ADAMTS3: variants seen among roughly 807,000 people sequenced by gnomAD.
ADAMTS3 encodes the protein ADAM metallopeptidase with thrombospondin type 1 motif 3.
In ADAMTS3, 73 loss-of-function variants were observed where a neutral mutation model predicts 129.0. The ratio of observed to expected loss-of-function variants is 0.57; its 90% CI spans 0.47 to 0.69. The LOEUF (loss-of-function observed/expected upper bound fraction) is 0.69, where lower values mean the gene tolerates loss of function less well. ADAMTS3 is among the 30% of genes least tolerant of loss of function. The pLI is 0.00. For missense variants in ADAMTS3, 1,457 were observed against 1,514.5 expected (o/e 0.96, Z 0.63); for synonymous variants, 477 against 510.8 (o/e 0.93, Z 0.89).
At chr4:72,445,178 G>A (rs1339620825) in intron 3 of ADAMTS3, among the ~76,000 whole-genome samples, 1 of 151,678 alleles carries the variant, frequency 6.6e-6, no homozygotes, top group South Asian at 2.1e-4. Context: ...TTTTAAATAG[G>A]TGAATTGTAT....
At chr4:72,352,923 T>C (rs969833364) in intron 4 of ADAMTS3, among the ~76,000 whole-genome samples, 1 of 151,950 alleles carries the variant, frequency 6.6e-6, no homozygotes, top group Non-Finnish European at 1.5e-5. Context: ...TGAAGCAAGA[T>C]CATGAAGAAT....
Position 72,455,932 on chromosome 4 carries a change from A to ACGTATAG in ADAMTS3, c.505-40962_505-40961insCTATACG, listed in dbSNP as rs1275921522. Reference sequence around the variant, plus strand: ...ACTGTATATATACTATATATATTTTATATATAGTATATATACAGTATATAT... The same window carrying ACGTATAG: ...ACTGTATATATACTATATATATTTTACGTATAGTATATAGTATATATACAGTATATAT... On this transcript the variant is annotated intron_variant, in intron 3 of 21. Transcript: ENST00000286657. Among the ~76,000 whole-genome samples, 28 of 109,238 alleles carry ACGTATAG rather than the reference A, an allele frequency of 2.6e-4. 1 individual carries two copies. The highest frequency in any genetic ancestry group is 1.4e-4 in the Non-Finnish European group (8 of 57,026). The allele number at this position is 109,238 out of a possible 152,430, so 71.7% of individuals were successfully genotyped here. A position where few individuals can be genotyped will look rare whatever the true frequency, so the allele number is the denominator to read the frequency against.
intron 3 of ADAMTS3, among the ~76,000 whole-genome samples, chr4:72,418,294 C>T (rs1560508541): frequency 6.6e-6 from 1 of 152,072 alleles, no homozygotes; most frequent in South Asian, 2.1e-4. Context: ...ACATGATCTA[C>T]ATATTCACAT....
At chr4:72,311,916 T>C (rs190182076) in intron 13 of ADAMTS3, among the ~76,000 whole-genome samples, 1 of 152,278 alleles carries the variant, frequency 6.6e-6, no homozygotes, top group African/African-American at 2.4e-5. Flanking sequence ...CTCTTGGTCC[T>C]GACTCAATTT....
At chr4:72,328,036 T>C (rs1490240578) in intron 5 of ADAMTS3, among the ~76,000 whole-genome samples, 1 of 152,138 alleles carries the variant, frequency 6.6e-6, no homozygotes, top group Non-Finnish European at 1.5e-5. Flanking sequence ...GCAGTAAGCA[T>C]AAACATTCTA....
chr4:72,349,927 G>A (rs370711743), intron 4 of ADAMTS3, among the ~76,000 whole-genome samples: 49 of 151,856 alleles, frequency 3.2e-4, no homozygotes, highest in African/African-American at 8.9e-4. Context: ...TTTGATTCAC[G>A]TTCTGATTGG....
intron 3 of ADAMTS3, among the ~76,000 whole-genome samples, chr4:72,501,677 T>A (rs978408153): frequency 1.3e-5 from 2 of 152,164 alleles, no homozygotes; most frequent in Admixed American, 1.3e-4. Flanking sequence ...AGAGTTAGCT[T>A]CCTGTTCCTG....
chr4:72,475,677 T>C (rs1719209584), intron 3 of ADAMTS3, among the ~76,000 whole-genome samples: 3 of 151,872 alleles, frequency 2.0e-5, no homozygotes, highest in African/African-American at 4.8e-5. Flanking sequence ...TTATAAAATA[T>C]TCTACTGAAG....
intron 2 of ADAMTS3, among the ~76,000 whole-genome samples, chr4:72,556,339 A>C (rs1317496815): frequency 1.3e-5 from 2 of 151,902 alleles, no homozygotes; most frequent in East Asian, 1.9e-4. Flanking sequence ...TTTCCTTCTA[A>C]GTATGTAGCA....
intron 3 of ADAMTS3, among the ~76,000 whole-genome samples, chr4:72,529,978 A>ATATATAATATATTATATTTAT (rs372655516): frequency 5.9e-4 from 4 of 6,724 alleles, no homozygotes; most frequent in African/African-American, 7.2e-4. Context: ...TTTATATATA[A>ATATATAATATATTATATTTAT]ATATAATATA....
chr4:72,485,579 G>A (rs1219872972), intron 3 of ADAMTS3, among the ~76,000 whole-genome samples: 1 of 151,902 alleles, frequency 6.6e-6, no homozygotes, highest in East Asian at 1.9e-4. Flanking sequence ...ATTTCTACCA[G>A]TACTCTTGTT....
intron 6 of ADAMTS3, among the ~76,000 whole-genome samples, chr4:72,321,422 A>T (rs1443617236): frequency 6.6e-6 from 1 of 151,808 alleles, no homozygotes; most frequent in Admixed American, 6.6e-5. Context: ...ACCTCAAATG[A>T]TCTTCCTGCC....
intron 4 of ADAMTS3, among the ~76,000 whole-genome samples, chr4:72,414,426 A>C (rs1722254992): frequency 6.6e-6 from 1 of 151,998 alleles, no homozygotes; most frequent in African/African-American, 2.4e-5. Flanking sequence ...GTCTTAAAAC[A>C]AAAAGCAACT....
chr4:72,498,588 A>G (rs756125438), intron 3 of ADAMTS3, among the ~76,000 whole-genome samples: 5 of 152,068 alleles, frequency 3.3e-5, no homozygotes, highest in Non-Finnish European at 7.4e-5. Context: ...GAAAAACAGA[A>G]CATTCTACCT....
In ADAMTS3 at chr4:72,457,036, G is replaced by GT. The variant is rs150237896; in HGVS notation, c.505-42066dup. Among the ~76,000 whole-genome samples, 52 of 151,750 alleles carry GT rather than the reference G, an allele frequency of 3.4e-4. No individual in the cohort carries two copies. The East Asian group carries it at 1.0e-2, about 29-fold the overall frequency. On this transcript the variant is annotated intron_variant, in intron 3 of 21. Coordinates refer to ENST00000286657, the MANE Select transcript of ADAMTS3 (RefSeq NM_014243.3). ...GTAGAGATCTTTGAGGTGTAGGGATGTGAGCATTTTTTTCTTCTTCTATGA... is the reference window on the plus strand; with the variant it reads ...GTAGAGATCTTTGAGGTGTAGGGATGTTGAGCATTTTTTTCTTCTTCTATGA...
chr4:72,478,283 A>C (rs1312160496), intron 3 of ADAMTS3, among the ~76,000 whole-genome samples: 1 of 151,968 alleles, frequency 6.6e-6, no homozygotes, highest in African/African-American at 2.4e-5. Flanking sequence ...CATTGATGCA[A>C]AAATCCTCAA....
intron 4 of ADAMTS3, among the ~76,000 whole-genome samples, chr4:72,378,087 T>C (rs1179262249): frequency 6.6e-6 from 1 of 152,206 alleles, no homozygotes; most frequent in Non-Finnish European, 1.5e-5. Flanking sequence ...ATGCATAATG[T>C]ATGAACAATC....
At chr4:72,385,856 AG>A (rs1327801393) in intron 4 of ADAMTS3, among the ~76,000 whole-genome samples, 2 of 152,160 alleles carry the variant, frequency 1.3e-5, no homozygotes, top group African/African-American at 4.8e-5. Flanking sequence ...CTAAAATAAA[AG>A]TTGGGGAAAA....
intron 3 of ADAMTS3, among the ~76,000 whole-genome samples, chr4:72,487,143 C>G (rs1335896154): frequency 6.6e-6 from 1 of 152,064 alleles, no homozygotes; most frequent in Non-Finnish European, 1.5e-5. Flanking sequence ...TTTACATTCT[C>G]TATAAAAGGT....
Sources: allele counts gnomAD v4.1 joint callset (sites outside exome capture counted in the v4.1 genomes callset), GRCh38; gene constraint gnomAD v4.1.1; transcripts MANE v1.5; gene names NCBI Gene and HGNC (gene_info 2026-07-23, HGNC 2026-07-21).